The following GATAD2B variants were observed in gnomAD, a reference collection of about 807,000 sequenced individuals.
The protein encoded by GATAD2B is GATA zinc finger domain containing 2B, also known as transcriptional repressor p66-beta.
GATAD2B carries 8 observed loss-of-function variants against 64.3 expected under a neutral mutation model. That is an observed-to-expected ratio of 0.12 (90% CI 0.07 to 0.22). GATAD2B has a LOEUF of 0.22. Among genes scored for constraint, GATAD2B ranks in the 10% least tolerant of loss-of-function variants. GATAD2B has a pLI of 1.00. For synonymous variants in GATAD2B, 281 were observed against 271.3 expected, an observed-to-expected ratio of 1.04 and a Z score of -0.35; for missense variants, 453 against 752.0, an observed-to-expected ratio of 0.60 and a Z score of 4.65.
At chr1:153,837,387 A>C (rs923859689) in intron 1 of GATAD2B, among the ~76,000 whole-genome samples, 20 of 151,658 alleles carry the variant, frequency 1.3e-4, no homozygotes, top group African/African-American at 4.8e-4. Context: ...CAAAAAAAAA[A>C]ACACAGTAGA....
intron 1 of GATAD2B, among the ~76,000 whole-genome samples, chr1:153,896,654 TCCAATTCCCAA>T (rs1235231159): frequency 6.6e-6 from 1 of 152,086 alleles, no homozygotes; most frequent in East Asian, 1.9e-4. Flanking sequence ...CAGGCTGGAC[TCCAATTCCCAA>T]CCTCAGGTGA....
chr1:153,834,136 G>A (rs1433532527), intron 1 of GATAD2B, among the ~76,000 whole-genome samples: 1 of 151,776 alleles, frequency 6.6e-6, no homozygotes, highest in East Asian at 2.0e-4. Flanking sequence ...CCGTGCAGCT[G>A]GGATTACAAA....
rs1159204191 is a variant in GATAD2B at position 153,815,280 on chromosome 1, C to CAAAA, written c.1216+989_1216+992dup. On this transcript the variant is annotated intron_variant, in intron 7 of 10. Coordinates refer to ENST00000368655, the MANE Select transcript of GATAD2B (RefSeq NM_020699.4). The stretch of plus-strand genomic sequence containing the variant: ...AGGGTCAGACCCTGTCTCAAAAAAA[C>CAAAA]AAAAAAAAAAAACAAAAAAAAAAAA... 1.6e-3 allele frequency among the ~76,000 whole-genome samples: 104 copies of CAAAA among 66,606 alleles called. 10 individuals are homozygous for CAAAA. Among genetic ancestry groups the CAAAA allele is most frequent in the Non-Finnish European group, 2.2e-3 (81 of 37,048 alleles). 43.7% of individuals were successfully genotyped at this position (66,606 alleles called of 152,430 possible).
chr1:153,902,279 C>A (rs1677803201), intron 1 of GATAD2B, among the ~76,000 whole-genome samples: 1 of 150,678 alleles, frequency 6.6e-6, no homozygotes, highest in African/African-American at 2.4e-5. Context: ...GAAACTCCAT[C>A]TCAAAAAAAA....
chr1:153,816,867 T>A lies in GATAD2B; in HGVS notation c.901-279A>T, dbSNP rs1456214711. Among the ~76,000 whole-genome samples the A allele has an allele frequency of 3.9e-5, 6 of 152,156 alleles. No homozygotes were observed. The highest frequency in any genetic ancestry group is 3.9e-4 in the Admixed American group (6 of 15,272). ...GGGAGGCCGAGGTAGGCAGATCACT[T>A]GAGGTGAGGAGTTTGAGACCAGCCT... On this transcript the variant is annotated intron_variant, in intron 6 of 10. Transcript: ENST00000368655. The surrounding 1 kb of genome is among the most constrained non-coding windows in gnomAD (Gnocchi z 4.9).
At chr1:153,909,266 T>C (rs1678044882) in intron 1 of GATAD2B, among the ~76,000 whole-genome samples, 1 of 150,910 alleles carries the variant, frequency 6.6e-6, no homozygotes, top group Non-Finnish European at 1.5e-5. Context: ...CAGGCTGGAG[T>C]ACAGTGGCGC....
In GATAD2B at chr1:153,811,773, C is replaced by G. The variant is rs1674300081; in HGVS notation, c.1606G>C (p.Ala536Pro). Residue 536 changes from alanine to proline, a missense_variant, in exon 10 of 11, where the codon GCA becomes CCA. Around this residue, in one of 2 missense-constraint regions of GATAD2B, gnomAD observed 160 missense variants for 334.7 expected, o/e 0.48. Transcript: ENST00000368655. ...CCACCTGGCACAGACAACTGGGGTG[C>G]CTGTGCAAAGTTTGAAAGCATGGAG... The part of the protein sequence containing the change: ...ARSMLSNFAQ[A>P]PQLSVPGGLL... 1 of 1,612,052 alleles carries G rather than the reference C, an allele frequency of 6.2e-7. No individual in the cohort carries two copies. The highest frequency in any genetic ancestry group is 1.7e-5 in the Admixed American group (1 of 59,490).
chr1:153,832,660 T>C (rs1252340771), intron 1 of GATAD2B, among the ~76,000 whole-genome samples: 3 of 152,342 alleles, frequency 2.0e-5, no homozygotes, highest in Admixed American at 6.5e-5. Flanking sequence ...TTTCTAATTT[T>C]TATTTTAGAT....
chr1:153,845,786 A>C (rs1253032763), intron 1 of GATAD2B, among the ~76,000 whole-genome samples: 1 of 151,874 alleles, frequency 6.6e-6, no homozygotes, highest in Non-Finnish European at 1.5e-5. Flanking sequence ...ATAAATAAAA[A>C]TTACCAGGCA....
intron 1 of GATAD2B, among the ~76,000 whole-genome samples, chr1:153,888,155 T>C (rs1226960007): frequency 6.6e-6 from 1 of 150,564 alleles, no homozygotes; most frequent in Non-Finnish European, 1.5e-5. Flanking sequence ...ACAGAGAAAA[T>C]AAACAGATCA....
In GATAD2B at chr1:153,809,961, CAGA is replaced by C. The variant is rs933260258; in HGVS notation, c.*213_*215del. ...AAACTGAAGAGAGAAGACAGAGCGGCAGAAGAACAGATCGCAGCAGTGTGAAAT... is the reference window on the plus strand; with the variant it reads ...AAACTGAAGAGAGAAGACAGAGCGGCAGAACAGATCGCAGCAGTGTGAAAT... On this transcript the variant is annotated 3_prime_UTR_variant, in exon 11 of 11. Coordinates refer to ENST00000368655, the MANE Select transcript of GATAD2B (RefSeq NM_020699.4). 8 of 484,928 alleles carry C rather than the reference CAGA, an allele frequency of 1.6e-5. No individual in the cohort carries two copies. The Admixed American group carries it at 2.6e-4, about 15-fold the overall frequency. The allele number at this position is 484,928 out of a possible 1,614,324, so 30.0% of individuals were successfully genotyped here.
At chr1:153,861,282 T>G (rs976862243) in intron 1 of GATAD2B, among the ~76,000 whole-genome samples, 1 of 152,074 alleles carries the variant, frequency 6.6e-6, no homozygotes, top group Non-Finnish European at 1.5e-5. Flanking sequence ...CCCAGGTTGG[T>G]GGCTCATGCC....
At position 153,811,928 on chromosome 1, in the gene GATAD2B, G is replaced by A. The variant is rs1457571987; in HGVS notation, c.1531-80C>T. ...GGGGCAAAGATAAGGGAGTACAGAA[G>A]AAGACTATGATTTCCCACAATAGAA... is the stretch of plus-strand genomic sequence containing the variant. On this transcript the variant is annotated intron_variant, in intron 9 of 10. Transcript: ENST00000368655. 1.8e-5 allele frequency: 22 copies of A among 1,245,652 alleles called. No homozygotes were observed. In the Admixed American group the frequency reaches 3.7e-4, roughly 21 times the overall value. The allele number at this position is 1,245,652 out of a possible 1,614,324, so 77.2% of individuals were successfully genotyped here. A position where few individuals can be genotyped will look rare whatever the true frequency, so the allele number is the denominator to read the frequency against.
rs1388317127 is a variant in GATAD2B, at chr1:153,809,436, T to C, written c.*741A>G. On this transcript the variant is annotated 3_prime_UTR_variant, in exon 11 of 11. Coordinates refer to ENST00000368655, the MANE Select transcript of GATAD2B (RefSeq NM_020699.4). ...CGTCTTCTATGGGTAAATTCCAGAG[T>C]GGTTGAGTTTTAAGCTCCTCCCCAG... 6.6e-6 allele frequency: 1 copy of C among 152,172 alleles called. No homozygotes were observed. The highest frequency in any genetic ancestry group is 1.5e-5 in the Non-Finnish European group (1 of 67,982). The allele number at this position is 152,172 out of a possible 1,614,324, so 9.4% of individuals were successfully genotyped here. A position where few individuals can be genotyped will look rare whatever the true frequency, so the allele number is the denominator to read the frequency against.
At chr1:153,820,672 C>T (rs1044512083) in intron 2 of GATAD2B, among the ~76,000 whole-genome samples, 1 of 152,056 alleles carries the variant, frequency 6.6e-6, no homozygotes, top group African/African-American at 2.4e-5. Flanking sequence ...CTCTGTCACC[C>T]AGGCTGGAGT....
intron 1 of GATAD2B, among the ~76,000 whole-genome samples, chr1:153,835,345 T>A (rs1209756032): frequency 2.0e-5 from 3 of 152,160 alleles, no homozygotes; most frequent in African/African-American, 7.2e-5. Flanking sequence ...TAAAATGGTA[T>A]TAAACAGTAC....
At chr1:153,842,988 T>C (rs932107838) in intron 1 of GATAD2B, among the ~76,000 whole-genome samples, 1 of 133,356 alleles carries the variant, frequency 7.5e-6, no homozygotes, top group African/African-American at 2.8e-5. Flanking sequence ...AGAGTCTCGC[T>C]GTCGCCCAGG....
At chr1:153,911,592 C>T (rs755569898) in intron 1 of GATAD2B, among the ~76,000 whole-genome samples, 6 of 151,936 alleles carry the variant, frequency 3.9e-5, no homozygotes, top group Non-Finnish European at 8.8e-5. Flanking sequence ...AAAAATCAGC[C>T]GGGCATGGTG....
At chr1:153,889,642 G>A (rs1677306386) in intron 1 of GATAD2B, 3 of 721,382 alleles carry the variant, frequency 4.2e-6, no homozygotes, top group Non-Finnish European at 5.1e-6. Context: ...GAGGAAAGTT[G>A]TAGATGCGTG....
Sources: allele counts gnomAD v4.1 joint callset (sites outside exome capture counted in the v4.1 genomes callset), GRCh38; gene constraint gnomAD v4.1.1; regional missense constraint gnomAD v4.1.1; non-coding constraint Gnocchi (gnomAD v3.1); transcripts MANE v1.5; gene names NCBI Gene and HGNC (gene_info 2026-07-23, HGNC 2026-07-21).